Variants in ENTPD1 observed in about 807,000 individuals in gnomAD.
The protein encoded by ENTPD1 is ATP diphosphohydrolase.
Under a neutral mutation model 57.0 loss-of-function variants are expected in ENTPD1, and 33 were observed. The ratio of observed to expected loss-of-function variants is 0.58; its 90% CI spans 0.44 to 0.77. The LOEUF is 0.77. ENTPD1 is among the 30% of genes least tolerant of loss of function. The pLI, the probability that ENTPD1 is intolerant of heterozygous loss-of-function variation, is 0.00. For missense variants in ENTPD1, 501 were observed against 603.4 expected, an observed-to-expected ratio of 0.83 and a Z score of 1.78; for synonymous variants, 202 against 218.8, an observed-to-expected ratio of 0.92 and a Z score of 0.68.
chr10:95,698,936 A>C, the ENTPD1 span, among the ~76,000 whole-genome samples: 4 of 152,184 alleles, frequency 2.6e-5, no homozygotes, highest in East Asian at 7.7e-4. Flanking sequence ...TCAGTTACCA[A>C]GGTGGACACA....
the ENTPD1 span, among the ~76,000 whole-genome samples, chr10:95,695,056 A>C: frequency 1.3e-5 from 2 of 151,892 alleles, no homozygotes; most frequent in East Asian, 3.9e-4. Flanking sequence ...ACGCGCCACC[A>C]CGCCCGGCTA....
intron 9 of ENTPD1, among the ~76,000 whole-genome samples, chr10:95,865,625 G>C (rs982857432): frequency 1.3e-5 from 2 of 152,198 alleles, no homozygotes; most frequent in Non-Finnish European, 2.9e-5. Flanking sequence ...TGTCAGTGCT[G>C]ATCTTGCTAA....
At position 95,779,042 on chromosome 10, in the gene ENTPD1, G is replaced by A. The variant is rs552165679; in HGVS notation, c.16+22787G>A. 1.8e-4 allele frequency among the ~76,000 whole-genome samples: 28 copies of A among 152,276 alleles called. No individual in the cohort carries two copies. In the South Asian group the frequency reaches 5.4e-3, roughly 29 times the overall value. On this transcript the variant is annotated intron_variant, in intron 1 of 9. Coordinates refer to ENST00000371205, the MANE Select transcript of ENTPD1 (RefSeq NM_001776.6). ...ACAGTCCAGCTTCTTAATCTAGCTG[G>A]ATTCTCTGTTGAATCCTTAAAATCT...
At chr10:95,730,158 T>G (rs1486556486) in intron 1 of ENTPD1, among the ~76,000 whole-genome samples, 1 of 151,878 alleles carries the variant, frequency 6.6e-6, no homozygotes, top group Non-Finnish European at 1.5e-5. Flanking sequence ...CACCTCAGCC[T>G]CCTGAGTAGC....
At chr10:95,761,515 C>T (rs1335826913) in intron 1 of ENTPD1, among the ~76,000 whole-genome samples, 1 of 152,086 alleles carries the variant, frequency 6.6e-6, no homozygotes, top group Non-Finnish European at 1.5e-5. Context: ...CTCTTCCCAC[C>T]CTCTACTCCC....
chr10:95,788,249 A>T (rs2098188410), intron 1 of ENTPD1, among the ~76,000 whole-genome samples: 1 of 152,204 alleles, frequency 6.6e-6, no homozygotes, highest in Non-Finnish European at 1.5e-5. Flanking sequence ...GCATAAATAA[A>T]ATTTTAAAAC....
chr10:95,721,719 A>G (rs1285804004), intron 1 of ENTPD1, among the ~76,000 whole-genome samples: 1 of 150,588 alleles, frequency 6.6e-6, no homozygotes, highest in Non-Finnish European at 1.5e-5. Context: ...CATCACCCCT[A>G]GTCATTCTCT....
At chr10:95,757,597 C>G (rs1399903161) in intron 1 of ENTPD1, among the ~76,000 whole-genome samples, 2 of 152,160 alleles carry the variant, frequency 1.3e-5, no homozygotes, top group Admixed American at 1.3e-4. Flanking sequence ...ATTTGGTGCT[C>G]ATGGCCATTC....
At chr10:95,749,117 G>A (rs2098009106) in intron 1 of ENTPD1, among the ~76,000 whole-genome samples, 1 of 152,192 alleles carries the variant, frequency 6.6e-6, no homozygotes, top group Admixed American at 6.5e-5. Flanking sequence ...TTGCAAGATG[G>A]TGATACCCAA....
chr10:95,852,706 G>C (rs2098447551), intron 7 of ENTPD1, among the ~76,000 whole-genome samples: 1 of 152,122 alleles, frequency 6.6e-6, no homozygotes, highest in Non-Finnish European at 1.5e-5. Context: ...CCCATTGTTT[G>C]TTTTTGTCAG....
chr10:95,738,162 T>C (rs750057895), intron 1 of ENTPD1, among the ~76,000 whole-genome samples: 1 of 152,234 alleles, frequency 6.6e-6, no homozygotes, highest in Non-Finnish European at 1.5e-5. Context: ...GCGTGAATGA[T>C]GCTCAGCAGG....
chr10:95,705,291 G>GTGTGTA, the ENTPD1 span, among the ~76,000 whole-genome samples: 1 of 151,968 alleles, frequency 6.6e-6, no homozygotes, highest in Non-Finnish European at 1.5e-5. Flanking sequence ...GTGTGTGTGT[G>GTGTGTA]TGTGTGTATG....
chr10:95,869,100 C>A lies in ENTPD1; in HGVS notation c.*2717C>A, dbSNP rs1213080356. On this transcript the variant is annotated 3_prime_UTR_variant, in exon 10 of 10. Transcript: ENST00000371205. ...TGGTTATCACTGATTACCATTCTCC[C>A]CTGGATTTTCACCCAGGACTCAAAA... The A allele has an allele frequency of 1.0e-6, 1 of 985,278 alleles. No homozygotes were observed. The highest frequency in any genetic ancestry group is 1.2e-6 in the Non-Finnish European group (1 of 829,916). 61.0% of individuals were successfully genotyped at this position (985,278 alleles called of 1,614,324 possible).
intron 2 of ENTPD1, among the ~76,000 whole-genome samples, chr10:95,829,441 C>G (rs2098389334): frequency 6.6e-6 from 1 of 152,192 alleles, no homozygotes; most frequent in Non-Finnish European, 1.5e-5. Flanking sequence ...CATGTGGGTA[C>G]CACAGGTGAC....
In ENTPD1 at chr10:95,810,968, A is replaced by G. The variant is rs1426025609; in HGVS notation, c.17-12269A>G. Among the ~76,000 whole-genome samples the G allele has an allele frequency of 3.9e-5, 6 of 152,176 alleles. No homozygotes were observed. In the South Asian group the frequency reaches 1.0e-3, roughly 26 times the overall value. ...AACTAGATACTAATCAATTTATAAG[A>G]TTGAGTTTTCATGTTTCTAAAGTGC... On this transcript the variant is annotated intron_variant, in intron 1 of 9. Coordinates refer to ENST00000371205, the MANE Select transcript of ENTPD1 (RefSeq NM_001776.6).
At chr10:95,864,128 T>C (rs187667350) in intron 8 of ENTPD1, among the ~76,000 whole-genome samples, 3 of 152,256 alleles carry the variant, frequency 2.0e-5, no homozygotes, top group Admixed American at 6.5e-5. Flanking sequence ...AGACAGAAGA[T>C]AGAAGGTGAG....
upstream of ENTPD1, among the ~76,000 whole-genome samples, chr10:95,708,422 C>T (rs1430103215): frequency 6.6e-6 from 1 of 152,040 alleles, no homozygotes; most frequent in Non-Finnish European, 1.5e-5. Context: ...CTATGTTGGC[C>T]TGGATGGTCT....
rs192265449 is a variant in ENTPD1 at position 95,756,196 on chromosome 10, G to C, written c.-44G>C. On this transcript the variant is annotated 5_prime_UTR_variant, in exon 1 of 10. Transcript: ENST00000371205. Reference sequence around the variant, plus strand: ...GGACCACAGCAAGCAGAGGCTGGGGGGGGGAAAGACGAGGAAAGAGGAGGA... The same window carrying C: ...GGACCACAGCAAGCAGAGGCTGGGGCGGGGAAAGACGAGGAAAGAGGAGGA... 2.2e-5 allele frequency: 34 copies of C among 1,580,824 alleles called. No individual in the cohort carries two copies. Among genetic ancestry groups the C allele is most frequent in the East Asian group, 4.7e-5 (2 of 42,806 alleles).
chr10:95,767,231 G>C (rs547107674), intron 1 of ENTPD1, among the ~76,000 whole-genome samples: 8 of 150,186 alleles, frequency 5.3e-5, no homozygotes, highest in African/African-American at 2.0e-4. Context: ...CAGGAGAATG[G>C]TGTGAACCTG....
Sources: allele counts gnomAD v4.1 joint callset (sites outside exome capture counted in the v4.1 genomes callset), GRCh38; gene constraint gnomAD v4.1.1; transcripts MANE v1.5; gene names NCBI Gene and HGNC (gene_info 2026-07-23, HGNC 2026-07-21).